Variants in PRUNE2 observed in about 807,000 individuals in gnomAD.
PRUNE2 encodes protein prune homolog 2.
In PRUNE2, 164 loss-of-function variants were observed where a neutral mutation model predicts 252.0. The ratio of observed to expected loss-of-function variants is 0.65; its 90% CI spans 0.57 to 0.74. The LOEUF (loss-of-function observed/expected upper bound fraction) is 0.74, where lower values mean the gene tolerates loss of function less well. PRUNE2 is among the 30% of genes least tolerant of loss of function. PRUNE2 has a pLI of 0.00. For synonymous variants in PRUNE2, 1,292 were observed against 1,350.2 expected (o/e 0.96, Z 0.94); for missense variants, 3,495 against 3,711.0 (o/e 0.94, Z 1.51).
In PRUNE2 at chr9:76,719,792, G is replaced by A. The variant is rs532025576; in HGVS notation, c.757-6071C>T. 2.0e-4 allele frequency among the ~76,000 whole-genome samples: 30 copies of A among 151,838 alleles called. No individual in the cohort carries two copies. In the South Asian group the frequency reaches 3.5e-3, roughly 18 times the overall value. On this transcript the variant is annotated intron_variant, in intron 6 of 18. Transcript: ENST00000376718. Reference sequence around the variant, plus strand: ...CTCCCTAGTAGCCGGGAATACAGGCGTGCACCACCATGCCCAGCTAATTTT... The same window carrying A: ...CTCCCTAGTAGCCGGGAATACAGGCATGCACCACCATGCCCAGCTAATTTT...
intron 6 of PRUNE2, among the ~76,000 whole-genome samples, chr9:76,749,113 G>A (rs1366882615): frequency 6.6e-6 from 1 of 152,202 alleles, no homozygotes; most frequent in Admixed American, 6.5e-5. Context: ...AAGAAGTTAG[G>A]ATTACAAGAC....
intron 7 of PRUNE2, among the ~76,000 whole-genome samples, chr9:76,712,869 T>C (rs1327619313): frequency 1.3e-5 from 2 of 151,814 alleles, no homozygotes; most frequent in Non-Finnish European, 2.9e-5. Flanking sequence ...GAAAGGAGGA[T>C]GTAGAAAAGA....
In PRUNE2 at chr9:76,706,075, C is replaced by T. The variant is rs114221706; in HGVS notation, c.6199G>A (p.Ala2067Thr). The T allele has an allele frequency of 5.6e-3, 9,005 of 1,613,978 alleles. 40 individuals are homozygous for T. The highest frequency in any genetic ancestry group is 0.021 in the African/African-American group (1,597 of 75,036). The stretch of plus-strand genomic sequence containing the variant: ...TTAGCATCTATCCACAAGTCAGGCG[C>T]GGCAGAGGCCAGCTGCCCACCCTCT... ...FQEGGQLASA[A>T]PDLWIDAKKP... Residue 2067 changes from alanine (A) to threonine (T), a missense_variant, in exon 8 of 19, where the codon GCG becomes ACG. Coordinates refer to ENST00000376718, the MANE Select transcript of PRUNE2 (RefSeq NM_015225.3).
At chr9:76,890,239 T>A (rs1008706394) in intron 1 of PRUNE2, among the ~76,000 whole-genome samples, 1 of 152,160 alleles carries the variant, frequency 6.6e-6, no homozygotes, top group Non-Finnish European at 1.5e-5. Flanking sequence ...TCAAATAACA[T>A]ATGTAGCTGC....
chr9:76,835,459 CTGCCTACTATTTTATTAACT>C (rs2058907894), intron 4 of PRUNE2, among the ~76,000 whole-genome samples: 1 of 152,082 alleles, frequency 6.6e-6, no homozygotes, highest in Non-Finnish European at 1.5e-5. Context: ...TCTTTTTATA[CTGCCTACTATTTTATTAACT>C]GCCTACTATT....
rs369726924 is a variant in PRUNE2 at position 76,851,334 on chromosome 9, T to A, written c.142-669A>T. ...AGGCCAAGGCGGGCAGATCACGAGG[T>A]CAGGAGATCGAGACCATCCTGGCTA... On this transcript the variant is annotated intron_variant, in intron 2 of 18. Coordinates refer to ENST00000376718, the MANE Select transcript of PRUNE2 (RefSeq NM_015225.3). 1.2e-4 allele frequency among the ~76,000 whole-genome samples: 19 copies of A among 152,250 alleles called. No individual in the cohort carries two copies. The South Asian group carries it at 3.9e-3, about 32-fold the overall frequency.
chr9:76,780,597 AG>A (rs2054275878), intron 6 of PRUNE2, among the ~76,000 whole-genome samples: 1 of 152,168 alleles, frequency 6.6e-6, no homozygotes, highest in African/African-American at 2.4e-5. Flanking sequence ...AGGCTGAGGC[AG>A]GAGAATGGCG....
Position 76,710,903 on chromosome 9 carries a change from C to T in PRUNE2, c.1371G>A (p.Gly457=). ...SDDSPVGEGA[G]PHHTLLPGLD... Reference sequence around the variant, plus strand: ...GCCCTGGGAGAAGGGTGTGGTGAGGCCCAGCACCTTCTCCCACGGGGCTGT... The same window carrying T: ...GCCCTGGGAGAAGGGTGTGGTGAGGTCCAGCACCTTCTCCCACGGGGCTGT... The change falls in exon 8 of 19, where the codon GGG becomes GGA. Residue 457 remains glycine, a synonymous_variant. Coordinates refer to ENST00000376718, the MANE Select transcript of PRUNE2 (RefSeq NM_015225.3). 1 of 1,557,440 alleles carries T rather than the reference C, an allele frequency of 6.4e-7. No individual in the cohort carries two copies.
At chr9:76,846,950 T>C (rs1049382044) in intron 3 of PRUNE2, among the ~76,000 whole-genome samples, 8 of 152,232 alleles carry the variant, frequency 5.3e-5, no homozygotes, top group African/African-American at 1.4e-4. Context: ...ACTAACACTA[T>C]TGGGCTTCCA....
chr9:76,667,250 T>C (rs1371090760), intron 9 of PRUNE2, among the ~76,000 whole-genome samples: 1 of 152,168 alleles, frequency 6.6e-6, no homozygotes, highest in African/African-American at 2.4e-5. Flanking sequence ...TTTGATAATA[T>C]TAGGAGCAAC....
intron 4 of PRUNE2, among the ~76,000 whole-genome samples, chr9:76,835,019 T>G (rs113022956): frequency 6.6e-6 from 1 of 152,118 alleles, no homozygotes; most frequent in African/African-American, 2.4e-5. Flanking sequence ...TAGCTATTCA[T>G]AGGCAGGGTA....
At chr9:76,857,945 C>T (rs1217280127) in intron 1 of PRUNE2, among the ~76,000 whole-genome samples, 1 of 152,174 alleles carries the variant, frequency 6.6e-6, no homozygotes, top group Non-Finnish European at 1.5e-5. Context: ...GCACTGCTCA[C>T]TGAAGGTCTG....
At chr9:76,836,130 C>T (rs564744255) in intron 4 of PRUNE2, among the ~76,000 whole-genome samples, 8 of 152,068 alleles carry the variant, frequency 5.3e-5, no homozygotes, top group African/African-American at 9.6e-5. Flanking sequence ...CAAATGTGCA[C>T]GCATACAATC....
rs568151345 is a variant in PRUNE2, at chr9:76,826,441, C to T, written c.661+139G>A. On this transcript the variant is annotated intron_variant, in intron 5 of 18. Transcript: ENST00000376718. ...TGAGCTGAGATCATGTTACTGCACT[C>T]CAGCCTGGGGGATAGAGTGAGACTC... is the stretch of plus-strand genomic sequence containing the variant. The T allele has an allele frequency of 5.9e-5, 37 of 631,506 alleles. No individual in the cohort carries two copies. In the East Asian group the frequency reaches 1.1e-3, roughly 18 times the overall value. The allele number at this position is 631,506 out of a possible 1,614,324, so 39.1% of individuals were successfully genotyped here.
In PRUNE2 at chr9:76,747,059, G is replaced by A. The variant is rs1159873692; in HGVS notation, c.757-33338C>T. On this transcript the variant is annotated intron_variant, in intron 6 of 18. Transcript: ENST00000376718. ...CTTTTGACTGGAACCTGAAGTAGGA[G>A]GTGGTCTTGTAGGACTGTGTCCTTA... 4.6e-5 allele frequency among the ~76,000 whole-genome samples: 7 copies of A among 152,342 alleles called. 1 individual carries two copies. The highest frequency in any genetic ancestry group is 2.6e-4 in the Admixed American group (4 of 15,302).
rs2046577877 is a variant in PRUNE2, at chr9:76,709,768, T to C, written c.2506A>G (p.Met836Val). 6.2e-7 allele frequency: 1 copy of C among 1,614,014 alleles called. No homozygotes were observed. Among genetic ancestry groups the C allele is most frequent in the East Asian group, 2.2e-5 (1 of 44,872 alleles). ...GAAAAGGCAAACCCACTTTTTGCCATGGCCCACTCATTCGGGTCCCTAACA... is the reference window on the plus strand; with the variant it reads ...GAAAAGGCAAACCCACTTTTTGCCACGGCCCACTCATTCGGGTCCCTAACA... ...PSVRDPNEWA[M>V]AKSGFAFSSS... The change falls in exon 8 of 19, where the codon ATG becomes GTG. Residue 836 changes from methionine to valine, a missense_variant. Transcript: ENST00000376718.
chr9:76,659,925 C>A (rs934753453), intron 9 of PRUNE2, among the ~76,000 whole-genome samples: 4 of 151,206 alleles, frequency 2.6e-5, no homozygotes, highest in Non-Finnish European at 5.9e-5. Context: ...AAGTTAGAAA[C>A]CCCTGGAATC....
At chr9:76,839,263 G>A (rs371211089) in intron 4 of PRUNE2, among the ~76,000 whole-genome samples, 66 of 152,232 alleles carry the variant, frequency 4.3e-4, no homozygotes, top group African/African-American at 1.5e-3. Flanking sequence ...TCTGTGCCAG[G>A]TACTGTTCTA....
intron 9 of PRUNE2, among the ~76,000 whole-genome samples, chr9:76,682,549 G>T (rs1012143730): frequency 1.3e-5 from 2 of 151,976 alleles, no homozygotes; most frequent in Admixed American, 1.3e-4. Flanking sequence ...TTTTAGTAAA[G>T]ATGGAGTTTC....
Sources: allele counts gnomAD v4.1 joint callset (sites outside exome capture counted in the v4.1 genomes callset), GRCh38; gene constraint gnomAD v4.1.1; transcripts MANE v1.5; gene names NCBI Gene and HGNC (gene_info 2026-07-23, HGNC 2026-07-21).